Variants in NELL2 observed in about 807,000 individuals in gnomAD.
The protein encoded by NELL2 is protein kinase C-binding protein NELL2.
A neutral mutation model predicts 109.6 loss-of-function variants in NELL2; 41 were observed. The observed-to-expected ratio is 0.37, with a 90% CI of 0.29 to 0.49. The LOEUF is 0.49. Among genes scored for constraint, NELL2 ranks in the 20% least tolerant of loss-of-function variants. The pLI is 0.98. For missense variants in NELL2, 900 were observed against 1,008.3 expected (o/e 0.89, Z 1.45); for synonymous variants, 355 against 344.7 (o/e 1.03, Z -0.33).
intron 3 of NELL2, among the ~76,000 whole-genome samples, chr12:44,799,016 T>C (rs113874882): frequency 2.9e-5 from 4 of 139,708 alleles, no homozygotes; most frequent in Non-Finnish European, 4.5e-5. Flanking sequence ...TGGAGTTCAG[T>C]GGCAGGATCT....
rs917765398 is a variant in NELL2, at chr12:44,513,351, T to C, written c.2401-4367A>G. 2.0e-5 allele frequency among the ~76,000 whole-genome samples: 3 copies of C among 151,858 alleles called. No individual in the cohort carries two copies. The South Asian group carries it at 6.2e-4, about 31-fold the overall frequency. ...TGGAACCTATGATCTATAAAACATA[T>C]CATCCATCATATCCAATATATTATA... On this transcript the variant is annotated intron_variant, in intron 19 of 19. Coordinates refer to ENST00000429094, the MANE Select transcript of NELL2 (RefSeq NM_001145108.2).
intron 3 of NELL2, among the ~76,000 whole-genome samples, chr12:44,788,389 C>T (rs1390802634): frequency 6.6e-6 from 1 of 152,178 alleles, no homozygotes; most frequent in African/African-American, 2.4e-5. Flanking sequence ...CAAACACACA[C>T]CCACACTGGG....
intron 13 of NELL2, among the ~76,000 whole-genome samples, chr12:44,624,245 GC>G (rs1346921592): frequency 1.3e-5 from 2 of 151,604 alleles, no homozygotes; most frequent in African/African-American, 4.8e-5. Context: ...TCTATTTCTT[GC>G]CCTTGCTTCC....
chr12:44,767,838 C>T (rs917192261), intron 9 of NELL2, among the ~76,000 whole-genome samples: 2 of 152,098 alleles, frequency 1.3e-5, no homozygotes, highest in Non-Finnish European at 2.9e-5. Context: ...GAGGGAAACA[C>T]AAAAACCAGA....
intron 3 of NELL2, among the ~76,000 whole-genome samples, chr12:44,804,391 G>T (rs886763663): frequency 6.6e-6 from 1 of 151,862 alleles, no homozygotes; most frequent in Non-Finnish European, 1.5e-5. Flanking sequence ...ATCAGTGGAA[G>T]TGGAGTGTAC....
chr12:44,705,340 C>T (rs1254448709), intron 11 of NELL2, among the ~76,000 whole-genome samples: 3 of 151,836 alleles, frequency 2.0e-5, no homozygotes, highest in East Asian at 1.9e-4. Flanking sequence ...GTGATTTCTA[C>T]AAAAATAAAA....
At chr12:44,912,164 C>A (rs1945787388) in intron 1 of NELL2, among the ~76,000 whole-genome samples, 1 of 151,672 alleles carries the variant, frequency 6.6e-6, no homozygotes, top group South Asian at 2.1e-4. Flanking sequence ...CATTTAGTTA[C>A]TTGTGAAGAA....
intron 3 of NELL2, among the ~76,000 whole-genome samples, chr12:44,802,609 C>A (rs111929742): frequency 0.011 from 1,748 of 152,120 alleles, 31 homozygotes; most frequent in African/African-American, 0.038. Context: ...TACCTAATTA[C>A]ATTTCAGTAA....
chr12:44,861,569 G>C (rs954257935), intron 2 of NELL2, among the ~76,000 whole-genome samples: 3 of 152,208 alleles, frequency 2.0e-5, no homozygotes, highest in African/African-American at 7.2e-5. Flanking sequence ...ACTACCCCGA[G>C]AGCTGAGCTG....
intron 1 of NELL2, among the ~76,000 whole-genome samples, chr12:44,881,588 A>T (rs1350863113): frequency 6.6e-6 from 1 of 152,018 alleles, no homozygotes; most frequent in African/African-American, 2.4e-5. Context: ...AAATTACCCA[A>T]TCTGAACAAA....
chr12:44,753,535 G>C (rs897246446), intron 9 of NELL2, among the ~76,000 whole-genome samples: 4 of 152,254 alleles, frequency 2.6e-5, no homozygotes, highest in South Asian at 4.1e-4. Context: ...GTATTTTTGG[G>C]GAACAGTGAG....
intron 9 of NELL2, among the ~76,000 whole-genome samples, chr12:44,738,755 AC>A (rs2136490720): frequency 6.6e-6 from 1 of 152,376 alleles, no homozygotes; most frequent in African/African-American, 2.4e-5. Flanking sequence ...CAGCATGGTG[AC>A]TATAGTTAAT....
intron 9 of NELL2, among the ~76,000 whole-genome samples, chr12:44,767,320 A>C (rs921064693): frequency 3.9e-5 from 6 of 152,202 alleles, no homozygotes; most frequent in African/African-American, 1.4e-4. Context: ...GGGAAAGAGA[A>C]CAAAAGCCCC....
intron 15 of NELL2, among the ~76,000 whole-genome samples, chr12:44,555,134 T>C (rs1247094991): frequency 6.6e-6 from 1 of 152,126 alleles, no homozygotes; most frequent in Non-Finnish European, 1.5e-5. Context: ...AAGTCAGAAC[T>C]GGTTGGGGTT....
chr12:44,583,921 C>T (rs1164329777), intron 15 of NELL2, among the ~76,000 whole-genome samples: 2 of 152,238 alleles, frequency 1.3e-5, no homozygotes, highest in African/African-American at 4.8e-5. Flanking sequence ...TACAGGTGTG[C>T]ACCACCACAC....
chr12:44,835,993 C>T (rs1213030275), intron 2 of NELL2, among the ~76,000 whole-genome samples: 1 of 152,200 alleles, frequency 6.6e-6, no homozygotes, highest in Non-Finnish European at 1.5e-5. Flanking sequence ...GTATTTTATA[C>T]ACTGCTAGGG....
chr12:44,895,897 T>C (rs934780894), intron 1 of NELL2, among the ~76,000 whole-genome samples: 14 of 152,290 alleles, frequency 9.2e-5, no homozygotes, highest in African/African-American at 2.9e-4. Context: ...TTTACACTGA[T>C]AAACACTCAA....
Position 44,523,404 on chromosome 12 carries a change from G to A in NELL2, c.1885C>T (p.Arg629Ter), listed in dbSNP as rs1319065093. The stretch of plus-strand genomic sequence containing the variant: ...GTGCAATTCTTTCCATGAGGACATC[G>A]ACAATCATATCCGCCATCCAAATTG... ...CFNLDGGYDCRCPHGKNCTGD... is the reference protein window; with the variant it reads ...CFNLDGGYDC The change falls in exon 17 of 20, where the codon CGA (arginine) becomes TGA (stop). Residue 629 changes from arginine (R) to a stop codon, truncating the protein, a stop_gained. Coordinates refer to ENST00000429094, the MANE Select transcript of NELL2 (RefSeq NM_001145108.2). LOFTEE classifies it high-confidence loss of function. The A allele has an allele frequency of 1.9e-6, 3 of 1,613,910 alleles. No homozygotes were observed. The highest frequency in any genetic ancestry group is 1.3e-5 in the African/African-American group (1 of 74,878).
At chr12:44,709,946 G>C (rs943326855) in intron 11 of NELL2, among the ~76,000 whole-genome samples, 3 of 152,120 alleles carry the variant, frequency 2.0e-5, no homozygotes, top group Admixed American at 6.6e-5. Flanking sequence ...AAACTCTTAT[G>C]GTCCTTATTA....
Sources: allele counts gnomAD v4.1 joint callset (sites outside exome capture counted in the v4.1 genomes callset), GRCh38; gene constraint gnomAD v4.1.1; transcripts MANE v1.5; gene names NCBI Gene and HGNC (gene_info 2026-07-23, HGNC 2026-07-21).